Variants in OSTF1 observed in about 807,000 individuals in gnomAD.
OSTF1 encodes the protein osteoclast stimulating factor 1.
In OSTF1, 27 loss-of-function variants were observed where a neutral mutation model predicts 37.2. That is an observed-to-expected ratio of 0.73 (90% CI 0.54 to 1.00). The LOEUF (loss-of-function observed/expected upper bound fraction) is 1.00, where lower values mean the gene tolerates loss of function less well. Ranked by LOEUF, OSTF1 falls within the 50% of genes least tolerant of loss-of-function variation. The pLI, the probability that OSTF1 is intolerant of heterozygous loss-of-function variation, is 0.00. For missense variants in OSTF1, 232 were observed against 253.8 expected (o/e 0.91, Z 0.58); for synonymous variants, 82 against 89.2 (o/e 0.92, Z 0.46).
At chr9:75,110,956 G>A (rs1365395810) in intron 1 of OSTF1, among the ~76,000 whole-genome samples, 1 of 152,100 alleles carries the variant, frequency 6.6e-6, no homozygotes, top group Non-Finnish European at 1.5e-5. Context: ...TTGGGCTCAA[G>A]CAGTCCTCCA....
chr9:75,098,762 T>G (rs531924264), intron 1 of OSTF1, among the ~76,000 whole-genome samples: 1 of 152,290 alleles, frequency 6.6e-6, no homozygotes, highest in Admixed American at 6.5e-5. Flanking sequence ...AAGCCATAGA[T>G]TTAAATTAAG....
chr9:75,139,230 C>T (rs965502758), intron 8 of OSTF1, among the ~76,000 whole-genome samples: 17 of 126,426 alleles, frequency 1.3e-4, no homozygotes, highest in African/African-American at 4.1e-4. Flanking sequence ...GATGGAGTTT[C>T]GCCATGTTAC....
Position 75,131,763 on chromosome 9 carries a change from A to C in OSTF1, c.197-7A>C. The C allele has an allele frequency of 6.2e-7, 1 of 1,612,000 alleles. No homozygotes were observed. Among genetic ancestry groups the C allele is most frequent in the Non-Finnish European group, 8.5e-7 (1 of 1,178,202 alleles). ...CATTGGGTTAACACTTTTTATTTTC[A>C]ATCTAGTGGCTGAGCAGGCAGAATC... On this transcript the variant is annotated splice_region_variant and splice_polypyrimidine_tract_variant and intron_variant, in intron 4 of 9. Coordinates refer to ENST00000346234, the MANE Select transcript of OSTF1 (RefSeq NM_012383.5).
intron 2 of OSTF1, among the ~76,000 whole-genome samples, chr9:75,117,768 A>G (rs1466025637): frequency 6.6e-6 from 1 of 152,150 alleles, no homozygotes; most frequent in African/African-American, 2.4e-5. Flanking sequence ...GCTTCTCCCT[A>G]CATGGTGACA....
At chr9:75,108,373 A>G (rs1825328228) in intron 1 of OSTF1, among the ~76,000 whole-genome samples, 1 of 151,852 alleles carries the variant, frequency 6.6e-6, no homozygotes, top group African/African-American at 2.4e-5. Context: ...GACCAGGGTA[A>G]CTTTTTTTTT....
intron 1 of OSTF1, among the ~76,000 whole-genome samples, chr9:75,116,725 T>C (rs1481343789): frequency 6.6e-6 from 1 of 151,156 alleles, no homozygotes; most frequent in Non-Finnish European, 1.5e-5. Context: ...GATTTGTTTA[T>C]GTTAAGATGG....
At chr9:75,107,882 C>A (rs770445879) in intron 1 of OSTF1, among the ~76,000 whole-genome samples, 17 of 152,132 alleles carry the variant, frequency 1.1e-4, no homozygotes, top group Non-Finnish European at 2.1e-4. Flanking sequence ...CATGCCTCAT[C>A]ACTTTAGCAG....
intron 1 of OSTF1, among the ~76,000 whole-genome samples, chr9:75,090,294 GGTGTGTGTGT>G (rs3837221): frequency 0.015 from 2,298 of 149,392 alleles, 38 homozygotes; most frequent in African/African-American, 0.04. Context: ...GACATTGACA[GGTGTGTGTGT>G]GTGTGTGTGT....
At chr9:75,130,526 A>G in intron 3 of OSTF1, 52 bp from the exon 4 acceptor site, 1 of 1,197,600 alleles carries the variant, frequency 8.4e-7, no homozygotes, top group Non-Finnish European at 1.3e-6. Context: ...TTGAAAAGTG[A>G]ATGAATGCAG....
In OSTF1 at chr9:75,146,851, G is replaced by A. The variant is rs545621700; in HGVS notation, c.*110G>A. Reference sequence around the variant, plus strand: ...TATAAAGAAAATTATATATGAACACGGCAGTGTTGCACTGTGTTTGAGTAG... The same window carrying A: ...TATAAAGAAAATTATATATGAACACAGCAGTGTTGCACTGTGTTTGAGTAG... On this transcript the variant is annotated 3_prime_UTR_variant, in exon 10 of 10. Coordinates refer to ENST00000346234, the MANE Select transcript of OSTF1 (RefSeq NM_012383.5). 8.2e-4 allele frequency: 593 copies of A among 723,514 alleles called. 4 individuals carry two copies. In the East Asian group the frequency reaches 0.016, roughly 19 times the overall value. The allele number at this position is 723,514 out of a possible 1,614,324, so 44.8% of individuals were successfully genotyped here. A position where few individuals can be genotyped will look rare whatever the true frequency, so the allele number is the denominator to read the frequency against.
chr9:75,137,197 C>T (rs1197120488), intron 7 of OSTF1, among the ~76,000 whole-genome samples: 1 of 152,178 alleles, frequency 6.6e-6, no homozygotes, highest in African/African-American at 2.4e-5. Context: ...CATGCCTGCC[C>T]TAGCACCTCC....
intron 2 of OSTF1, among the ~76,000 whole-genome samples, chr9:75,125,963 G>A (rs1825655356): frequency 1.3e-5 from 2 of 152,144 alleles, no homozygotes; most frequent in Non-Finnish European, 2.9e-5. Context: ...AGGCTGGAGT[G>A]CCATGGCGTA....
chr9:75,128,474 G>T (rs1449964209), intron 3 of OSTF1, among the ~76,000 whole-genome samples: 15 of 16,084 alleles, frequency 9.3e-4, no homozygotes, highest in East Asian at 3.2e-3. Flanking sequence ...TATATATTTT[G>T]TCCATATATA....
At chr9:75,135,691 G>C (rs1301141340) in intron 7 of OSTF1, among the ~76,000 whole-genome samples, 1 of 152,140 alleles carries the variant, frequency 6.6e-6, no homozygotes, top group Non-Finnish European at 1.5e-5. Context: ...CTTTCTGTAC[G>C]TCAGAATTCT....
intron 4 of OSTF1, among the ~76,000 whole-genome samples, chr9:75,131,544 T>C (rs565868510): frequency 6.6e-6 from 1 of 152,364 alleles, no homozygotes; most frequent in Admixed American, 6.5e-5. Flanking sequence ...TACTATGTTA[T>C]TGCCTTATTG....
chr9:75,146,642 T>A (rs1277554252), intron 9 of OSTF1, 41 bp from the exon 10 acceptor site: 1 of 1,384,692 alleles, frequency 7.2e-7, no homozygotes, highest in South Asian at 1.2e-5. Flanking sequence ...GAGCAGTTTA[T>A]AATTTCCCTA....
intron 1 of OSTF1, among the ~76,000 whole-genome samples, chr9:75,089,155 C>A (rs1019607330): frequency 1.3e-4 from 20 of 151,868 alleles, no homozygotes; most frequent in African/African-American, 4.4e-4. Context: ...CCAGAGCGAA[C>A]GGGAAGTGCA....
chr9:75,134,329 T>G lies in OSTF1; in HGVS notation c.359-17T>G. On this transcript the variant is annotated splice_polypyrimidine_tract_variant and intron_variant, in intron 6 of 9. Transcript: ENST00000346234. Reference sequence around the variant, plus strand: ...AATTTTCGTTCTTAAAAGGTATCTTTTCTCTTTGAATTTCAGATATAGTGG... The same window carrying G: ...AATTTTCGTTCTTAAAAGGTATCTTGTCTCTTTGAATTTCAGATATAGTGG... 6.9e-7 allele frequency: 1 copy of G among 1,448,570 alleles called. No homozygotes were observed. 89.7% of individuals were successfully genotyped at this position (1,448,570 alleles called of 1,614,324 possible). A position where few individuals can be genotyped will look rare whatever the true frequency, so the allele number is the denominator to read the frequency against.
At position 75,100,595 on chromosome 9, in the gene OSTF1, G is replaced by T. The variant is rs555260680; in HGVS notation, c.34+11869G>T. Among the ~76,000 whole-genome samples, 3 of 152,138 alleles carry T rather than the reference G, an allele frequency of 2.0e-5. No individual in the cohort carries two copies. In the South Asian group the frequency reaches 6.2e-4, roughly 32 times the overall value. ...AAATACAAAAATTAGCCGGGCCGTG[G>T]TGGCGCATGTCTGTAATCCCAGCTA... On this transcript the variant is annotated intron_variant, in intron 1 of 9. Coordinates refer to ENST00000346234, the MANE Select transcript of OSTF1 (RefSeq NM_012383.5).
Sources: gnomAD v4.1 joint callset for allele counts (sites outside exome capture counted in the v4.1 genomes callset) on GRCh38, gnomAD v4.1.1 for gene constraint, MANE v1.5 for transcripts, NCBI Gene and HGNC (gene_info 2026-07-23, HGNC 2026-07-21) for gene names.